Variants in MIPOL1 observed in about 807,000 individuals in gnomAD.
The protein encoded by MIPOL1 is mirror-image polydactyly 1.
Under a neutral mutation model 60.9 loss-of-function variants are expected in MIPOL1, and 57 were observed. That is an observed-to-expected ratio of 0.94 (90% CI 0.76 to 1.17). The LOEUF is 1.17. MIPOL1 is among the 50% of genes most tolerant of loss of function. The pLI is 0.00. For synonymous variants in MIPOL1, 179 were observed against 168.8 expected, an observed-to-expected ratio of 1.06 and a Z score of -0.47; for missense variants, 551 against 511.6, an observed-to-expected ratio of 1.08 and a Z score of -0.74.
At chr14:37,369,465 G>GA (rs903757943) in intron 9 of MIPOL1, 52 bp from the exon 10 acceptor site, 105 of 1,352,016 alleles carry the variant, frequency 7.8e-5, no homozygotes, top group African/African-American at 1.4e-4. Flanking sequence ...GTGGCTTGGT[G>GA]AAAAAAAATG....
rs5807951 is a variant in MIPOL1 at position 37,407,842 on chromosome 14, C to CTTTTTTTTTTTTTTTTTTTTTTTT, written c.937-15011_937-15010insTTTTTTTTTTTTTTTTTTTTTTTT. Among the ~76,000 whole-genome samples, 17 of 58,062 alleles carry CTTTTTTTTTTTTTTTTTTTTTTTT rather than the reference C, an allele frequency of 2.9e-4. 1 individual carries two copies. The highest frequency in any genetic ancestry group is 4.6e-4 in the Non-Finnish European group (15 of 32,894). The allele number at this position is 58,062 out of a possible 152,430, so 38.1% of individuals were successfully genotyped here. On this transcript the variant is annotated intron_variant, in intron 10 of 12. Transcript: ENST00000684589. ...ATTTTTTCTTTTCTTTCTTCTTCTT[C>CTTTTTTTTTTTTTTTTTTTTTTTT]TTCTTTTTTTTTTTTTTTTTTTTTG...
intron 11 of MIPOL1, among the ~76,000 whole-genome samples, chr14:37,491,201 A>G (rs1183691026): frequency 6.6e-6 from 1 of 152,172 alleles, no homozygotes; most frequent in African/African-American, 2.4e-5. Context: ...AGCTGGCCCT[A>G]CATTAATTCC....
At chr14:37,229,757 TG>T (rs1216337224) in intron 1 of MIPOL1, among the ~76,000 whole-genome samples, 1 of 152,146 alleles carries the variant, frequency 6.6e-6, no homozygotes, top group Non-Finnish European at 1.5e-5. Flanking sequence ...GATTCAAAAA[TG>T]GGGTTTGACT....
intron 9 of MIPOL1, among the ~76,000 whole-genome samples, chr14:37,323,747 CATTTAT>C (rs1567467757): frequency 1.3e-5 from 2 of 151,978 alleles, no homozygotes; most frequent in Admixed American, 1.3e-4. Flanking sequence ...AAAGTTCCCT[CATTTAT>C]ATTTCCTTCT....
intron 10 of MIPOL1, among the ~76,000 whole-genome samples, chr14:37,402,557 A>AATTGAAATGC (rs2093505196): frequency 6.6e-6 from 1 of 152,184 alleles, no homozygotes; most frequent in Admixed American, 6.5e-5. Flanking sequence ...GAAATTCTTA[A>AATTGAAATGC]ATTGAAATGC....
intron 1 of MIPOL1, among the ~76,000 whole-genome samples, chr14:37,198,708 A>G (rs2139025001): frequency 1.3e-5 from 2 of 152,310 alleles, no homozygotes; most frequent in South Asian, 2.1e-4. Context: ...GAAAGGAACA[A>G]CTTTCCACAA....
At chr14:37,539,938 C>T (rs550833783) in intron 12 of MIPOL1, among the ~76,000 whole-genome samples, 1 of 152,266 alleles carries the variant, frequency 6.6e-6, no homozygotes, top group East Asian at 1.9e-4. Context: ...GCAGTTTCCC[C>T]CTTCCTGTTC....
intron 1 of MIPOL1, among the ~76,000 whole-genome samples, chr14:37,207,645 A>T (rs953709491): frequency 2.0e-5 from 3 of 152,062 alleles, no homozygotes; most frequent in African/African-American, 7.2e-5. Context: ...TCCCAGGTTC[A>T]TGCGATTCTT....
At chr14:37,210,060 C>A (rs1209151532) in intron 1 of MIPOL1, among the ~76,000 whole-genome samples, 3 of 152,000 alleles carry the variant, frequency 2.0e-5, no homozygotes, top group Non-Finnish European at 4.4e-5. Flanking sequence ...TTAATAATAT[C>A]TTGTATGTAT....
intron 12 of MIPOL1, among the ~76,000 whole-genome samples, chr14:37,509,351 C>T (rs148141760): frequency 6.6e-5 from 10 of 150,698 alleles, no homozygotes; most frequent in Non-Finnish European, 3.0e-5. Flanking sequence ...TACACACATA[C>T]ACACACACAC....
At chr14:37,434,863 A>G (rs11844449) in intron 11 of MIPOL1, among the ~76,000 whole-genome samples, 1 of 151,894 alleles carries the variant, frequency 6.6e-6, no homozygotes, top group East Asian at 1.9e-4. Flanking sequence ...AAAAAAAAAA[A>G]AAACAAAATA....
chr14:37,367,625 A>C (rs2153493387), intron 9 of MIPOL1, among the ~76,000 whole-genome samples: 1 of 152,152 alleles, frequency 6.6e-6, no homozygotes, highest in Admixed American at 6.6e-5. Context: ...TCACATTCCC[A>C]AAACAAGCCC....
intron 12 of MIPOL1, among the ~76,000 whole-genome samples, chr14:37,534,987 T>C (rs1281634776): frequency 6.6e-6 from 1 of 152,168 alleles, no homozygotes; most frequent in African/African-American, 2.4e-5. Flanking sequence ...TATTTTAAAA[T>C]CCAAAACTTG....
At chr14:37,399,887 A>G (rs1488947462) in intron 10 of MIPOL1, 1 of 152,118 alleles carries the variant, frequency 6.6e-6, no homozygotes, top group African/African-American at 2.4e-5. Flanking sequence ...CTGGTCACCT[A>G]TTGCCAAAGA....
At chr14:37,227,337 C>T (rs919630670) in intron 1 of MIPOL1, among the ~76,000 whole-genome samples, 5 of 152,114 alleles carry the variant, frequency 3.3e-5, no homozygotes, top group African/African-American at 7.2e-5. Context: ...TTCATGTATT[C>T]AATAATTTGA....
chr14:37,442,134 A>G (rs1206684925), intron 11 of MIPOL1, among the ~76,000 whole-genome samples: 1 of 143,324 alleles, frequency 7.0e-6, no homozygotes, highest in East Asian at 2.3e-4. Context: ...GTGTGTGTCT[A>G]TTGTAAATGG....
At chr14:37,423,571 TA>T (rs2093912410) in intron 11 of MIPOL1, 1 of 151,964 alleles carries the variant, frequency 6.6e-6, no homozygotes, top group Non-Finnish European at 1.5e-5. Context: ...GGGTTATGTG[TA>T]AAACATATTC....
Position 37,343,479 on chromosome 14 carries a change from T to A in MIPOL1, c.829-26038T>A, listed in dbSNP as rs534756767. ...AATTCACATTGACACCAAAGTTTGG[T>A]TTCTGTTTTGACTGGAAAAGTCTAA... On this transcript the variant is annotated intron_variant, in intron 9 of 12. Coordinates refer to ENST00000684589, the MANE Select transcript of MIPOL1 (RefSeq NM_001388067.1). Among the ~76,000 whole-genome samples the A allele has an allele frequency of 3.1e-3, 468 of 152,278 alleles. 3 individuals carry two copies. The highest frequency in any genetic ancestry group is 9.6e-3 in the African/African-American group (398 of 41,560).
At chr14:37,250,196 T>A (rs1973861846) in intron 3 of MIPOL1, among the ~76,000 whole-genome samples, 1 of 152,192 alleles carries the variant, frequency 6.6e-6, no homozygotes, top group Non-Finnish European at 1.5e-5. Context: ...CAGGCATCTT[T>A]TTGACATTGG....
Sources: gnomAD v4.1 joint callset for allele counts (sites outside exome capture counted in the v4.1 genomes callset) on GRCh38, gnomAD v4.1.1 for gene constraint, MANE v1.5 for transcripts, NCBI Gene and HGNC (gene_info 2026-07-23, HGNC 2026-07-21) for gene names.